SLC12A3: variants seen among roughly 807,000 people sequenced by gnomAD.
The protein encoded by SLC12A3 is solute carrier family 12 member 3.
In SLC12A3, 104 loss-of-function variants were observed where a neutral mutation model predicts 121.0. The observed-to-expected ratio is 0.86, with a 90% CI of 0.73 to 1.01. The LOEUF is 1.01. Ranked by LOEUF, SLC12A3 falls within the 50% of genes least tolerant of loss-of-function variation. SLC12A3 has a pLI of 0.00. For missense variants in SLC12A3, 1,328 were observed against 1,356.3 expected (o/e 0.98, Z 0.33); for synonymous variants, 536 against 533.4 (o/e 1.00, Z -0.07).
intron 25 of SLC12A3, among the ~76,000 whole-genome samples, chr16:56,908,115 T>G (rs1406602041): frequency 6.6e-6 from 1 of 151,366 alleles, no homozygotes; most frequent in Non-Finnish European, 1.5e-5. Context: ...TGTGCTTTTT[T>G]TTTTTTTAAA....
intron 25 of SLC12A3, among the ~76,000 whole-genome samples, chr16:56,908,972 G>T (rs969629649): frequency 6.6e-6 from 1 of 152,222 alleles, no homozygotes; most frequent in East Asian, 1.9e-4. Context: ...TGTGCATTTT[G>T]TCTATGCGAT....
chr16:56,907,836 G>A (rs760209654), intron 25 of SLC12A3, among the ~76,000 whole-genome samples: 43 of 152,170 alleles, frequency 2.8e-4, no homozygotes, highest in Admixed American at 2.4e-3. Flanking sequence ...GGATTTCAAC[G>A]TGTGAATTTT....
chr16:56,895,006 C>T (rs1222548756), intron 22 of SLC12A3, among the ~76,000 whole-genome samples: 1 of 139,398 alleles, frequency 7.2e-6, no homozygotes, highest in South Asian at 2.3e-4. Flanking sequence ...TAAGAAAAGA[C>T]AAGAAAAATA....
rs776542275 is a variant in SLC12A3, at chr16:56,892,302, C to T, written c.2419+169C>T. On this transcript the variant is annotated intron_variant, in intron 20 of 25. Transcript: ENST00000563236. ...TAACTGGAGTTGGGAACTGGAGGGG[C>T]TTGGCCGTGTCAAAGATTGCCAGCA... 366 of 670,480 alleles carry T rather than the reference C, an allele frequency of 5.5e-4. 2 individuals carry two copies. The highest frequency in any genetic ancestry group is 3.2e-4 in the Non-Finnish European group (117 of 370,550). The allele number at this position is 670,480 out of a possible 1,614,324, so 41.5% of individuals were successfully genotyped here.
In SLC12A3 at chr16:56,869,773, A is replaced by C; in HGVS notation, c.550A>C (p.Ile184Leu). The C allele has an allele frequency of 1.9e-6, 3 of 1,614,122 alleles. No individual in the cohort carries two copies. Among genetic ancestry groups the C allele is most frequent in the South Asian group, 2.2e-5 (2 of 91,078 alleles). The change falls in exon 4 of 26, where the codon ATC becomes CTC. Residue 184 changes from isoleucine (I) to leucine (L), a missense_variant. Transcript: ENST00000563236. ...CCTGCTGTCGGTCACGGTGACCTCC[A>C]TCACAGGCCTCTCCATCTCAGCCAT... The part of the protein sequence containing the change: ...IILLSVTVTS[I>L]TGLSISAIST...
chr16:56,912,125 A>G (rs920248230), intron 25 of SLC12A3, among the ~76,000 whole-genome samples: 7 of 152,322 alleles, frequency 4.6e-5, no homozygotes, highest in Admixed American at 4.6e-4. Context: ...GGCCCTGCCC[A>G]TTCCCCAGGG....
chr16:56,878,363 A>G (rs1243564088), intron 9 of SLC12A3, among the ~76,000 whole-genome samples: 1 of 152,120 alleles, frequency 6.6e-6, no homozygotes, highest in East Asian at 1.9e-4. Context: ...TGATCAGAGC[A>G]TCTTCATGGC....
intron 8 of SLC12A3, among the ~76,000 whole-genome samples, chr16:56,873,018 G>A (rs1379244634): frequency 6.6e-6 from 1 of 151,004 alleles, no homozygotes; most frequent in Non-Finnish European, 1.5e-5. Flanking sequence ...AGAATGGCTA[G>A]GTTCCTCCCT....
intron 14 of SLC12A3, among the ~76,000 whole-genome samples, chr16:56,884,619 C>T (rs1350838468): frequency 1.3e-5 from 2 of 152,208 alleles, no homozygotes; most frequent in African/African-American, 2.4e-5. Flanking sequence ...TACTTGGCTG[C>T]AGGCAGGGAC....
At chr16:56,908,702 A>G (rs113705867) in intron 25 of SLC12A3, among the ~76,000 whole-genome samples, 1 of 152,062 alleles carries the variant, frequency 6.6e-6, no homozygotes, top group African/African-American at 2.4e-5. Flanking sequence ...TGTACAAAGA[A>G]AGTGCCCCGT....
chr16:56,903,716 C>A (rs1244306748), intron 24 of SLC12A3, among the ~76,000 whole-genome samples: 7 of 152,172 alleles, frequency 4.6e-5, no homozygotes, highest in Admixed American at 3.3e-4. Flanking sequence ...ATAATTTGAG[C>A]TAGGCCTTGG....
chr16:56,905,882 A>C (rs8044243), intron 25 of SLC12A3, among the ~76,000 whole-genome samples: 36,555 of 152,072 alleles, frequency 0.24, 6,543 homozygotes, highest in African/African-American at 0.51. Flanking sequence ...CATTTTTCAA[A>C]CTTCACCTGT....
At position 56,891,563 on chromosome 16, in the gene SLC12A3, G is replaced by A. The variant is rs537010080; in HGVS notation, c.2369-520G>A. Reference sequence around the variant, plus strand: ...CACACGGATGCCACCAATATTTACAGAGCAGTAACTCCACTCCTGACCAAC... The same window carrying A: ...CACACGGATGCCACCAATATTTACAAAGCAGTAACTCCACTCCTGACCAAC... On this transcript the variant is annotated intron_variant, in intron 19 of 25. Coordinates refer to ENST00000563236, the MANE Select transcript of SLC12A3 (RefSeq NM_001126108.2). Among the ~76,000 whole-genome samples, 42 of 152,264 alleles carry A rather than the reference G, an allele frequency of 2.8e-4. 1 individual carries two copies. In the South Asian group the frequency reaches 8.3e-3, roughly 30 times the overall value.
chr16:56,905,338 C>CAAAAAAAAAAAAAAAAAAAAAAAA (rs59206129), intron 25 of SLC12A3, among the ~76,000 whole-genome samples: 1 of 50,750 alleles, frequency 2.0e-5, no homozygotes, highest in Non-Finnish European at 4.1e-5. Flanking sequence ...AACTCCGTCT[C>CAAAAAAAAAAAAAAAAAAAAAAAA]AAAAAAAAAA....
intron 3 of SLC12A3, 121 bp downstream of exon 3, chr16:56,868,493 C>A: frequency 3.0e-6 from 3 of 986,222 alleles, no homozygotes; most frequent in African/African-American, 1.6e-5. Context: ...GTGCAGAGAC[C>A]AAACGGCCAG....
rs895231844 is a variant in SLC12A3, at chr16:56,890,724, C to A, written c.2368+368C>A. ...GACCAGCCTGGCCAACATGGTGAAA[C>A]CCTGTTGCTACTAAAAATACAAAAA... On this transcript the variant is annotated intron_variant, in intron 19 of 25. Coordinates refer to ENST00000563236, the MANE Select transcript of SLC12A3 (RefSeq NM_001126108.2). Among the ~76,000 whole-genome samples, 87 of 151,932 alleles carry A rather than the reference C, an allele frequency of 5.7e-4. 1 individual carries two copies. The highest frequency in any genetic ancestry group is 2.1e-4 in the Non-Finnish European group (14 of 67,980).
intron 25 of SLC12A3, among the ~76,000 whole-genome samples, chr16:56,908,976 A>G (rs1483900003): frequency 6.6e-6 from 1 of 152,218 alleles, no homozygotes; most frequent in Non-Finnish European, 1.5e-5. Flanking sequence ...CATTTTGTCT[A>G]TGCGATTAGC....
At position 56,902,766 on chromosome 16, in the gene SLC12A3, GTCCTCC is replaced by G. The variant is rs113468906; in HGVS notation, c.2856+277_2856+282del. 6.3e-5 allele frequency among the ~76,000 whole-genome samples: 9 copies of G among 143,448 alleles called. No individual in the cohort carries two copies. The East Asian group carries it at 1.0e-3, about 16-fold the overall frequency. The allele number at this position is 143,448 out of a possible 152,430, so 94.1% of individuals were successfully genotyped here. A position where few individuals can be genotyped will look rare whatever the true frequency, so the allele number is the denominator to read the frequency against. The stretch of plus-strand genomic sequence containing the variant: ...CTGGCAGTGGGCTTGACTGCCCGGA[GTCCTCC>G]TCCTCCTCCTCCTCCTCCACACTTC... On this transcript the variant is annotated intron_variant, in intron 24 of 25. Coordinates refer to ENST00000563236, the MANE Select transcript of SLC12A3 (RefSeq NM_001126108.2).
rs1269533932 is a variant in SLC12A3 at position 56,890,282 on chromosome 16, T to C, written c.2294T>C (p.Phe765Ser). 1 of 1,614,064 alleles carries C rather than the reference T, an allele frequency of 6.2e-7. No individual in the cohort carries two copies. ...EDYIGILHDA[F>S]DFNYGVCVMR... ...ACCTCCTCTCTTTCCAGTGATGCCT[T>C]TGATTTCAACTATGGCGTGTGTGTC... Residue 765 changes from phenylalanine (F) to serine (S), a missense_variant, in exon 19 of 26, where the codon TTT becomes TCT. Physicochemically the swap from Phe to Ser is radical, Grantham distance 155 (BLOSUM62 -2). Coordinates refer to ENST00000563236, the MANE Select transcript of SLC12A3 (RefSeq NM_001126108.2).
Sources: allele counts gnomAD v4.1 joint callset (sites outside exome capture counted in the v4.1 genomes callset), GRCh38; gene constraint gnomAD v4.1.1; transcripts MANE v1.5; gene names NCBI Gene and HGNC (gene_info 2026-07-23, HGNC 2026-07-21).